The following HELLS variants were observed in gnomAD, a reference collection of about 807,000 sequenced individuals.
The protein encoded by HELLS is lymphoid-specific helicase.
HELLS carries 32 observed loss-of-function variants against 120.0 expected under a neutral mutation model. The ratio of observed to expected loss-of-function variants is 0.27; its 90% confidence interval spans 0.20 to 0.36. The LOEUF is 0.36. Among genes scored for constraint, HELLS ranks in the 10% least tolerant of loss-of-function variants. The pLI is 1.00. For missense variants in HELLS, 650 were observed against 993.4 expected (o/e 0.65, Z 4.65); for synonymous variants, 341 against 323.4 (o/e 1.05, Z -0.58).
intron 4 of HELLS, among the ~76,000 whole-genome samples, chr10:94,561,454 C>A (rs1475577475): frequency 6.6e-6 from 1 of 151,936 alleles, no homozygotes; most frequent in Non-Finnish European, 1.5e-5. Flanking sequence ...TTCATAAGGG[C>A]GTCAACTATT....
In HELLS at chr10:94,578,878, G is replaced by GACAC. The variant is rs770532495; in HGVS notation, c.1032+2074_1032+2075insCACA. On this transcript the variant is annotated intron_variant, in intron 10 of 21. Transcript: ENST00000348459. Reference sequence around the variant, plus strand: ...CACAATAGTGTTCATGCTCCTATGAGAATATAATGTCTCCTGATCTGACGG... The same window carrying GACAC: ...CACAATAGTGTTCATGCTCCTATGAGACACAATATAATGTCTCCTGATCTGACGG... Among the ~76,000 whole-genome samples the GACAC allele has an allele frequency of 2.3e-3, 356 of 152,270 alleles. 1 individual carries two copies. The highest frequency in any genetic ancestry group is 4.3e-3 in the Non-Finnish European group (294 of 68,016).
chr10:94,599,237 C>T (rs1008890367), intron 21 of HELLS, among the ~76,000 whole-genome samples: 5 of 152,244 alleles, frequency 3.3e-5, no homozygotes, highest in African/African-American at 1.2e-4. Flanking sequence ...TTATGTGAGG[C>T]ATGTAAGGAC....
At chr10:94,573,615 A>G (rs1844291259) in intron 7 of HELLS, among the ~76,000 whole-genome samples, 2 of 151,942 alleles carry the variant, frequency 1.3e-5, no homozygotes, top group South Asian at 4.2e-4. Context: ...GTTGCGTGCA[A>G]CCACACCCAG....
At chr10:94,572,048 TGA>T (rs992695449) in intron 7 of HELLS, among the ~76,000 whole-genome samples, 3 of 152,194 alleles carry the variant, frequency 2.0e-5, no homozygotes, top group African/African-American at 7.2e-5. Context: ...GTTTATAAAA[TGA>T]GAGATAATCT....
chr10:94,584,146 T>C, intron 12 of HELLS: 1 of 1,175,818 alleles, frequency 8.5e-7, no homozygotes, highest in Middle Eastern at 2.6e-4. Flanking sequence ...CTTTTCAGTG[T>C]TGCAGAGATT....
chr10:94,602,101 C>T (rs950823633), downstream of HELLS: 9 of 152,488 alleles, frequency 5.9e-5, no homozygotes, highest in African/African-American at 2.2e-4. Flanking sequence ...ATAAGATGAT[C>T]TCATTAAATT....
At chr10:94,581,546 A>T (rs753785840) in intron 11 of HELLS, 24 bp downstream of exon 11, 1 of 1,510,214 alleles carries the variant, frequency 6.6e-7, no homozygotes, top group Non-Finnish European at 9.0e-7. Flanking sequence ...TTATTTAATG[A>T]TTTAACCTCA....
At chr10:94,582,487 A>G (rs1844921045) in intron 11 of HELLS, among the ~76,000 whole-genome samples, 1 of 152,162 alleles carries the variant, frequency 6.6e-6, no homozygotes, top group Non-Finnish European at 1.5e-5. Context: ...TTAATTGCTC[A>G]TTGTAATATA....
intron 10 of HELLS, among the ~76,000 whole-genome samples, chr10:94,580,103 T>A (rs1844748830): frequency 8.1e-6 from 1 of 124,076 alleles, no homozygotes; most frequent in South Asian, 2.7e-4. Flanking sequence ...TTCTCTCACA[T>A]ACCCATTATA....
intron 3 of HELLS, among the ~76,000 whole-genome samples, chr10:94,554,656 GT>G (rs1156596461): frequency 1.6e-4 from 18 of 115,520 alleles, no homozygotes; most frequent in Non-Finnish European, 1.3e-4. Context: ...TTTTTTTTTT[GT>G]TTTTTTTTTT....
chr10:94,589,680 CTTTTTT>C (rs67491329), intron 13 of HELLS, among the ~76,000 whole-genome samples: 3 of 91,990 alleles, frequency 3.3e-5, no homozygotes, highest in African/African-American at 4.5e-5. Flanking sequence ...CTCCCCCCGA[CTTTTTT>C]TTTTTTTTTT....
At chr10:94,583,964 GC>G in intron 12 of HELLS, 1 of 546,302 alleles carries the variant, frequency 1.8e-6, no homozygotes, top group Non-Finnish European at 3.3e-6. Flanking sequence ...CTACACCTTT[GC>G]CCATTTCTGG....
intron 19 of HELLS, 98 bp downstream of exon 19, chr10:94,594,952 G>C: frequency 1.1e-6 from 1 of 905,384 alleles, no homozygotes. Context: ...AGCCTGGGCC[G>C]AGTTCTGTGT....
intron 11 of HELLS, among the ~76,000 whole-genome samples, chr10:94,582,072 G>A (rs1426177131): frequency 6.6e-6 from 1 of 152,198 alleles, no homozygotes; most frequent in African/African-American, 2.4e-5. Context: ...AATGGAGGAG[G>A]AGGTAATGTT....
intron 12 of HELLS, 124 bp from the exon 13 acceptor site, chr10:94,588,105 T>C: frequency 2.0e-6 from 1 of 498,180 alleles, no homozygotes; most frequent in Non-Finnish European, 3.4e-6. Context: ...TTTTCACCTT[T>C]TGAGATTTGG....
chr10:94,553,908 T>A (rs748059243), intron 2 of HELLS, among the ~76,000 whole-genome samples: 3 of 152,194 alleles, frequency 2.0e-5, no homozygotes, highest in Non-Finnish European at 2.9e-5. Flanking sequence ...GTGTTCAATA[T>A]TTGAAATTAT....
chr10:94,597,344 T>C (rs542074283), intron 21 of HELLS, among the ~76,000 whole-genome samples: 3 of 152,284 alleles, frequency 2.0e-5, no homozygotes, highest in African/African-American at 4.8e-5. Flanking sequence ...TAAATAACAC[T>C]TGTAAATGAA....
At position 94,546,490 on chromosome 10, in the gene HELLS, C is replaced by A; in HGVS notation, c.145C>A (p.Leu49Met). Residue 49 changes from leucine (L) to methionine (M), a missense_variant, in exon 2 of 22, where the codon CTG becomes ATG. Transcript: ENST00000348459. ...AAGLERERKMLEKARMSWDRE... is the reference protein window; with the variant it reads ...AAGLERERKMMEKARMSWDRE... ...TGGACTAGAGAGAGAGCGGAAGATG[C>A]TGGAAAAGGTAATTTAGGCATCAGG... The A allele has an allele frequency of 6.2e-7, 1 of 1,614,048 alleles. No homozygotes were observed. The highest frequency in any genetic ancestry group is 8.5e-7 in the Non-Finnish European group (1 of 1,180,010).
At chr10:94,551,395 G>C (rs1589698226) in intron 2 of HELLS, among the ~76,000 whole-genome samples, 1 of 151,910 alleles carries the variant, frequency 6.6e-6, no homozygotes, top group Non-Finnish European at 1.5e-5. Context: ...GTGAAAGCCC[G>C]TCTCTACTAA....
Sources: gnomAD v4.1 joint callset for allele counts (sites outside exome capture counted in the v4.1 genomes callset) on GRCh38, gnomAD v4.1.1 for gene constraint, MANE v1.5 for transcripts, NCBI Gene and HGNC (gene_info 2026-07-23, HGNC 2026-07-21) for gene names.